Variants in ACSF3 observed in about 807,000 individuals in gnomAD.
ACSF3 encodes malonate--CoA ligase ACSF3, mitochondrial.
A neutral mutation model predicts 53.2 loss-of-function variants in ACSF3; 78 were observed. That is an observed-to-expected ratio of 1.47 (90% CI 1.22 to 1.77). The LOEUF is 1.77. ACSF3 is among the 40% of genes most tolerant of loss of function. The probability of loss-of-function intolerance (pLI) is 0.00; values close to 1 mark genes in which losing one functional copy is unlikely to be tolerated. For missense variants in ACSF3, 937 were observed against 771.1 expected, an observed-to-expected ratio of 1.22 and a Z score of -2.55; for synonymous variants, 414 against 333.1, an observed-to-expected ratio of 1.24 and a Z score of -2.65.
intron 4 of ACSF3, among the ~76,000 whole-genome samples, chr16:89,109,104 C>T (rs962470095): frequency 8.6e-5 from 13 of 151,786 alleles, no homozygotes; most frequent in African/African-American, 2.9e-4. Flanking sequence ...CCGTGGTTCA[C>T]ACCTGTAATC....
chr16:89,131,821 C>T (rs914360145), intron 7 of ACSF3, among the ~76,000 whole-genome samples: 4 of 152,254 alleles, frequency 2.6e-5, no homozygotes. Context: ...AGATAAAGTC[C>T]GTGGTTTCTT....
At chr16:89,110,180 A>G (rs892073352) in intron 4 of ACSF3, among the ~76,000 whole-genome samples, 1 of 152,254 alleles carries the variant, frequency 6.6e-6, no homozygotes, top group Non-Finnish European at 1.5e-5. Context: ...TAAACTTTAT[A>G]GATTGTGCTT....
At chr16:89,139,349 C>T (rs574696198) in intron 8 of ACSF3, among the ~76,000 whole-genome samples, 1 of 152,228 alleles carries the variant, frequency 6.6e-6, no homozygotes, top group Admixed American at 6.5e-5. Context: ...TTCCCTCTTC[C>T]GCCCCCAGCT....
intron 4 of ACSF3, among the ~76,000 whole-genome samples, chr16:89,103,844 A>G (rs1257524381): frequency 1.3e-5 from 2 of 152,198 alleles, no homozygotes; most frequent in Non-Finnish European, 2.9e-5. Context: ...GGTGCTGGTC[A>G]CACAGAGCGC....
At position 89,101,051 on chromosome 16, in the gene ACSF3, C is replaced by T; in HGVS notation, c.370C>T (p.Pro124Ser). 4 of 1,613,994 alleles carry T rather than the reference C, an allele frequency of 2.5e-6. No homozygotes were observed. Among genetic ancestry groups the T allele is most frequent in the Non-Finnish European group, 3.4e-6 (4 of 1,179,950 alleles). ...ASWMSGGVAV[P>S]LYRKHPAAQL... ...ATGGATGAGTGGCGGTGTGGCAGTCCCCCTCTACAGGAAGCATCCCGCGGC... is the reference window on the plus strand; with the variant it reads ...ATGGATGAGTGGCGGTGTGGCAGTCTCCCTCTACAGGAAGCATCCCGCGGC... The change falls in exon 3 of 11, where the codon CCC (proline) becomes TCC (serine). Residue 124 changes from proline to serine, a missense_variant. By Grantham distance (74) the Pro-to-Ser change is moderately conservative. Coordinates refer to ENST00000614302, the MANE Select transcript of ACSF3 (RefSeq NM_001243279.3).
In ACSF3 at chr16:89,145,383, G is replaced by GCC. The variant is rs1912723081; in HGVS notation, c.1485_1486dup (p.His496ProfsTer10). Reference sequence around the variant, plus strand: ...CCTGGAGGTGGAGTGGCACCTGCTGGCCCACCCCAGCATCACAGGTGCGTG... The same window carrying GCC: ...CCTGGAGGTGGAGTGGCACCTGCTGGCCCCCACCCCAGCATCACAGGTGCGTG... On this transcript the variant is annotated frameshift_variant, in exon 9 of 11. Coordinates refer to ENST00000614302, the MANE Select transcript of ACSF3 (RefSeq NM_001243279.3). LOFTEE classifies it high-confidence loss of function. 2 of 1,614,012 alleles carry GCC rather than the reference G, an allele frequency of 1.2e-6. No individual in the cohort carries two copies. The highest frequency in any genetic ancestry group is 1.7e-6 in the Non-Finnish European group (2 of 1,180,012).
At chr16:89,127,999 A>G (rs1227552136) in intron 7 of ACSF3, among the ~76,000 whole-genome samples, 4 of 151,592 alleles carry the variant, frequency 2.6e-5, no homozygotes, top group Non-Finnish European at 4.4e-5. Flanking sequence ...TATCTGTTTT[A>G]TGGCTCTTTT....
intron 10 of ACSF3, chr16:89,151,891 GCCA>G (rs1914136164): frequency 6.6e-6 from 1 of 152,282 alleles, no homozygotes; most frequent in Non-Finnish European, 1.5e-5. Flanking sequence ...ACAAGCGTGA[GCCA>G]CTGGTAATTC....
intron 8 of ACSF3, among the ~76,000 whole-genome samples, chr16:89,144,871 G>C (rs1484542366): frequency 6.6e-6 from 1 of 152,240 alleles, no homozygotes; most frequent in Non-Finnish European, 1.5e-5. Context: ...CACAGAAACA[G>C]GGCCTGAGCC....
At chr16:89,107,472 T>TCTCC in intron 4 of ACSF3, among the ~76,000 whole-genome samples, 1 of 152,206 alleles carries the variant, frequency 6.6e-6, no homozygotes, top group Admixed American at 6.5e-5. Flanking sequence ...ACACGCGTGC[T>TCTCC]CCGTTTTCCG....
intron 7 of ACSF3, among the ~76,000 whole-genome samples, chr16:89,132,101 G>C (rs1031251173): frequency 6.6e-6 from 1 of 152,276 alleles, no homozygotes; most frequent in Non-Finnish European, 1.5e-5. Flanking sequence ...GGGCAGTGTT[G>C]GCCCCACGGC....
intron 1 of ACSF3, among the ~76,000 whole-genome samples, chr16:89,096,873 C>T (rs893753342): frequency 1.3e-5 from 2 of 152,242 alleles, no homozygotes; most frequent in Admixed American, 6.5e-5. Flanking sequence ...CCATGTCACA[C>T]GGGGCCAGTC....
chr16:89,096,731 C>A (rs376376298), intron 1 of ACSF3, among the ~76,000 whole-genome samples: 1 of 152,194 alleles, frequency 6.6e-6, no homozygotes, highest in Non-Finnish European at 1.5e-5. Context: ...CAGGACTCCC[C>A]CCTTCCCTCG....
At chr16:89,108,372 T>G (rs533379367) in intron 4 of ACSF3, among the ~76,000 whole-genome samples, 99 of 152,356 alleles carry the variant, frequency 6.5e-4, no homozygotes, top group Non-Finnish European at 7.3e-5. Context: ...TTTCAATAGT[T>G]CTTGTAGTGC....
intron 9 of ACSF3, 143 bp downstream of exon 9, chr16:89,145,544 T>C: frequency 9.2e-7 from 1 of 1,082,978 alleles, no homozygotes; most frequent in Non-Finnish European, 1.3e-6. Context: ...GTCCCTGCCC[T>C]GGCCAGGGAA....
In ACSF3 at chr16:89,101,223, A is replaced by C; in HGVS notation, c.542A>C (p.Glu181Ala). The C allele has an allele frequency of 6.2e-7, 1 of 1,602,954 alleles. No individual in the cohort carries two copies. Among genetic ancestry groups the C allele is most frequent in the Non-Finnish European group, 8.5e-7 (1 of 1,174,960 alleles). The change falls in exon 3 of 11, where the codon GAA becomes GCA. Residue 181 changes from glutamate (E) to alanine (A), a missense_variant. Glu to Ala is a moderately radical substitution (Grantham distance 107). Coordinates refer to ENST00000614302, the MANE Select transcript of ACSF3 (RefSeq NM_001243279.3). ...TPAIYTGAVEEPAEVPVPEQG... is the reference protein window; with the variant it reads ...TPAIYTGAVEAPAEVPVPEQG... Reference sequence around the variant, plus strand: ...GCCATCTACACTGGAGCAGTAGAGGAACCGGCAGAGGTCCCGGTCCCAGAG... The same window carrying C: ...GCCATCTACACTGGAGCAGTAGAGGCACCGGCAGAGGTCCCGGTCCCAGAG...
At chr16:89,142,631 A>G (rs556786257) in intron 8 of ACSF3, among the ~76,000 whole-genome samples, 1 of 149,040 alleles carries the variant, frequency 6.7e-6, no homozygotes, top group South Asian at 2.1e-4. Context: ...GCAGACACCT[A>G]CACCTGCAGG....
chr16:89,151,552 A>T (rs1435763953), intron 10 of ACSF3: 1 of 246,202 alleles, frequency 4.1e-6, no homozygotes, highest in Non-Finnish European at 8.1e-6. Flanking sequence ...AGCAGCATTT[A>T]AGCCAGGAAT....
intron 8 of ACSF3, 36 bp downstream of exon 8, chr16:89,133,298 G>A (rs768004632): frequency 5.0e-6 from 8 of 1,613,086 alleles, no homozygotes; most frequent in Non-Finnish European, 6.8e-6. Context: ...AGGAGACCCC[G>A]AGGGGACAGG....
Sources: allele counts gnomAD v4.1 joint callset (sites outside exome capture counted in the v4.1 genomes callset), GRCh38; gene constraint gnomAD v4.1.1; transcripts MANE v1.5; gene names NCBI Gene and HGNC (gene_info 2026-07-23, HGNC 2026-07-21).